LAMA3: variants seen among roughly 807,000 people sequenced by gnomAD.
LAMA3 encodes laminin subunit alpha 3.
A neutral mutation model predicts 402.0 loss-of-function variants in LAMA3; 281 were observed. The observed-to-expected ratio is 0.70, with a 90% confidence interval of 0.63 to 0.77. The LOEUF (loss-of-function observed/expected upper bound fraction) is 0.77. LAMA3 is among the 30% of genes least tolerant of loss of function. The pLI is 0.00. For missense variants in LAMA3, 3,840 were observed against 4,215.5 expected, an observed-to-expected ratio of 0.91 and a Z score of 2.47; for synonymous variants, 1,431 against 1,558.4, an observed-to-expected ratio of 0.92 and a Z score of 1.93.
At chr18:23,860,075 G>A (rs1034714278) in intron 34 of LAMA3, among the ~76,000 whole-genome samples, 3 of 152,120 alleles carry the variant, frequency 2.0e-5, no homozygotes, top group Non-Finnish European at 4.4e-5. Context: ...TATCATTCAG[G>A]AAATTACAAG....
intron 49 of LAMA3, among the ~76,000 whole-genome samples, chr18:23,903,712 C>T (rs983784911): frequency 1.3e-5 from 2 of 152,146 alleles, no homozygotes; most frequent in Admixed American, 6.5e-5. Context: ...AAGGGTTTCT[C>T]ACCATAATGA....
intron 2 of LAMA3, among the ~76,000 whole-genome samples, chr18:23,730,078 G>A (rs1163201764): frequency 2.6e-5 from 4 of 152,072 alleles, no homozygotes; most frequent in Non-Finnish European, 2.9e-5. Context: ...ATTAAAAAAC[G>A]AAATAAAACA....
intron 70 of LAMA3, among the ~76,000 whole-genome samples, chr18:23,949,032 T>C (rs1374727343): frequency 6.6e-6 from 1 of 152,090 alleles, no homozygotes; most frequent in Non-Finnish European, 1.5e-5. Flanking sequence ...CCCAGGAAAA[T>C]GCACACGCAG....
At chr18:23,797,415 A>G (rs1045970827) in intron 12 of LAMA3, among the ~76,000 whole-genome samples, 3 of 152,142 alleles carry the variant, frequency 2.0e-5, no homozygotes, top group Admixed American at 2.0e-4. Context: ...TTCTTGCTTT[A>G]AAAACTTTCA....
rs1302494399 is a variant in LAMA3 at position 23,842,320 on chromosome 18, T to C, written c.3337-75T>C. 44 of 1,560,332 alleles carry C rather than the reference T, an allele frequency of 2.8e-5. No individual in the cohort carries two copies. The Admixed American group carries it at 3.7e-4, about 13-fold the overall frequency. On this transcript the variant is annotated intron_variant, in intron 27 of 74. Coordinates refer to ENST00000313654, the MANE Select transcript of LAMA3 (RefSeq NM_198129.4). ...GTTTTGTTTTTTAACCTTTGAATAC[T>C]CTATGATTCCAGTTATTCATAGCTC...
At chr18:23,851,419 G>A (rs2063942140) in intron 32 of LAMA3, among the ~76,000 whole-genome samples, 1 of 152,138 alleles carries the variant, frequency 6.6e-6, no homozygotes, top group African/African-American at 2.4e-5. Flanking sequence ...TCCTGTCTCT[G>A]CCGCTCACTC....
intron 2 of LAMA3, among the ~76,000 whole-genome samples, chr18:23,729,783 C>T (rs948612960): frequency 1.3e-5 from 2 of 152,256 alleles, no homozygotes; most frequent in Non-Finnish European, 2.9e-5. Context: ...AGAGATGTTT[C>T]ATAGCCTCAC....
At chr18:23,866,643 C>T (rs1343422083) in intron 36 of LAMA3, among the ~76,000 whole-genome samples, 2 of 151,738 alleles carry the variant, frequency 1.3e-5, no homozygotes, top group African/African-American at 2.4e-5. Context: ...TATTTTTTTA[C>T]TGCCAAAGAG....
intron 32 of LAMA3, among the ~76,000 whole-genome samples, chr18:23,855,325 A>T (rs193174292): frequency 1.3e-5 from 2 of 152,308 alleles, no homozygotes; most frequent in African/African-American, 2.4e-5. Context: ...AGCAAGGTTC[A>T]CCCAGCCTAC....
chr18:23,799,331 T>G (rs1159995548), intron 12 of LAMA3, among the ~76,000 whole-genome samples: 1 of 152,174 alleles, frequency 6.6e-6, no homozygotes, highest in Non-Finnish European at 1.5e-5. Context: ...TTTAAAGCCT[T>G]ATAGTATTTC....
chr18:23,845,172 C>T, intron 30 of LAMA3, 48 bp downstream of exon 30: 1 of 1,081,892 alleles, frequency 9.2e-7, no homozygotes. Flanking sequence ...GGCACTCCCA[C>T]ATTCCTGACC....
Position 23,826,687 on chromosome 18 carries a change from G to T in LAMA3, c.2572-15G>T. On this transcript the variant is annotated splice_polypyrimidine_tract_variant and intron_variant, in intron 21 of 74. Transcript: ENST00000313654. ...ATCAAAATGAATGATTCTCCTTTTGGTCTTTATTTTCTAGGATTACCTGGT... is the reference window on the plus strand; with the variant it reads ...ATCAAAATGAATGATTCTCCTTTTGTTCTTTATTTTCTAGGATTACCTGGT... 6.6e-7 allele frequency: 1 copy of T among 1,515,598 alleles called. No individual in the cohort carries two copies. The highest frequency in any genetic ancestry group is 9.0e-7 in the Non-Finnish European group (1 of 1,113,322). The allele number at this position is 1,515,598 out of a possible 1,614,324, so 93.9% of individuals were successfully genotyped here. A position where few individuals can be genotyped will look rare whatever the true frequency, so the allele number is the denominator to read the frequency against.
chr18:23,843,866 C>T (rs1010774194), intron 29 of LAMA3, among the ~76,000 whole-genome samples: 2 of 152,192 alleles, frequency 1.3e-5, no homozygotes, highest in African/African-American at 2.4e-5. Flanking sequence ...CCTCTCATGC[C>T]ACCAGGCTTT....
rs763917613 is a variant in LAMA3 at position 23,884,865 on chromosome 18, G to T, written c.5303+12G>T. 1.3e-6 allele frequency: 2 copies of T among 1,599,486 alleles called. No homozygotes were observed. Among genetic ancestry groups the T allele is most frequent in the Non-Finnish European group, 1.7e-6 (2 of 1,170,774 alleles). ...ACACAGTGTGAAAGGTAAGGTGGGC[G>T]CCCCTCCCGCCTCAGCCTGCAGAGG... On this transcript the variant is annotated intron_variant, in intron 41 of 74. Coordinates refer to ENST00000313654, the MANE Select transcript of LAMA3 (RefSeq NM_198129.4).
chr18:23,810,493 C>T lies in LAMA3; in HGVS notation c.1731C>T (p.Pro577=). 2.5e-6 allele frequency: 4 copies of T among 1,614,040 alleles called. No individual in the cohort carries two copies. The highest frequency in any genetic ancestry group is 2.5e-6 in the Non-Finnish European group (3 of 1,179,972). Residue 577 remains proline (P), a synonymous_variant, in exon 13 of 75, where the codon CCC becomes CCT. Coordinates refer to ENST00000313654, the MANE Select transcript of LAMA3 (RefSeq NM_198129.4). ...GTCTCTCAGGAGCTTATGATTTCCC[C>T]CACTGCCAAGGTAGGAAAGTCAGCA... ...DRCLSGAYDF[P]HCQGSSSACD... is the part of the protein sequence containing the mutation.
Position 23,876,413 on chromosome 18 carries a change from T to A in LAMA3, c.5112+6T>A. ...ATGGCTCAGGCATATGTGTTGTGAG[T>A]AAATTGACACTTTAATGCTATCAGC... On this transcript the variant is annotated splice_donor_region_variant and intron_variant, in intron 39 of 74. Transcript: ENST00000313654. The A allele has an allele frequency of 6.4e-7, 1 of 1,560,762 alleles. No individual in the cohort carries two copies. The highest frequency in any genetic ancestry group is 8.8e-7 in the Non-Finnish European group (1 of 1,131,292).
At chr18:23,872,869 A>T in intron 38 of LAMA3, 1 of 674,256 alleles carries the variant, frequency 1.5e-6, no homozygotes. Flanking sequence ...TACCTGCGGG[A>T]CTGTTATGTG....
At chr18:23,834,061 T>G in intron 24 of LAMA3, 73 bp downstream of exon 24, 1 of 1,546,118 alleles carries the variant, frequency 6.5e-7, no homozygotes, top group South Asian at 1.1e-5. Flanking sequence ...CTTTGGCTGT[T>G]ACTTGCATTG....
chr18:23,757,127 C>T (rs2061863408), intron 6 of LAMA3, among the ~76,000 whole-genome samples: 1 of 151,952 alleles, frequency 6.6e-6, no homozygotes, highest in Non-Finnish European at 1.5e-5. Flanking sequence ...CAACCCAGCC[C>T]GGAATTAGAA....
Sources: allele counts gnomAD v4.1 joint callset (sites outside exome capture counted in the v4.1 genomes callset), GRCh38; gene constraint gnomAD v4.1.1; transcripts MANE v1.5; gene names NCBI Gene and HGNC (gene_info 2026-07-23, HGNC 2026-07-21).